The following ZC3H12C variants were observed in gnomAD, a reference collection of about 807,000 sequenced individuals.
ZC3H12C encodes the protein zinc finger CCCH-type containing 12C, also known as probable ribonuclease ZC3H12C.
In ZC3H12C, 20 loss-of-function variants were observed where a neutral mutation model predicts 76.3. The ratio of observed to expected loss-of-function variants is 0.26; its 90% CI spans 0.18 to 0.38. The LOEUF is 0.38. Among genes scored for constraint, ZC3H12C ranks in the 10% least tolerant of loss-of-function variants. The pLI, the probability that ZC3H12C is intolerant of heterozygous loss-of-function variation, is 1.00. For synonymous variants in ZC3H12C, 352 were observed against 399.6 expected, an observed-to-expected ratio of 0.88 and a Z score of 1.42; for missense variants, 874 against 1,086.5, an observed-to-expected ratio of 0.80 and a Z score of 2.75.
intron 1 of ZC3H12C, among the ~76,000 whole-genome samples, chr11:110,133,553 A>G (rs916002787): frequency 6.6e-6 from 1 of 152,200 alleles, no homozygotes; most frequent in Non-Finnish European, 1.5e-5. Context: ...GCTTACATTT[A>G]TCCTTAGCAT....
At chr11:110,137,505 AT>A in intron 2 of ZC3H12C, 91 bp downstream of exon 2, 1 of 1,385,982 alleles carries the variant, frequency 7.2e-7, no homozygotes, top group Non-Finnish European at 9.5e-7. Flanking sequence ...TCTCATGGTC[AT>A]TAAAGTCAAC....
Position 110,164,535 on chromosome 11 carries a change from C to A in ZC3H12C, c.1450C>A (p.Arg484=). ...TKADSTSDVK[R]GAPKRQSDPS... ...GGCTGATAGCACTTCTGATGTCAAA[C>A]GAGGTGCTCCAAAGAGGCAATCAGA... The change falls in exon 6 of 6, where the codon CGA becomes AGA. Residue 484 remains arginine, a synonymous_variant. Transcript: ENST00000278590. This position sits in a 1 kb window ranked among gnomAD's most constrained non-coding sequence, Gnocchi z 5.7. 6.2e-7 allele frequency: 1 copy of A among 1,613,948 alleles called. No individual in the cohort carries two copies. Among genetic ancestry groups the A allele is most frequent in the East Asian group, 2.2e-5 (1 of 44,872 alleles).
At chr11:110,142,359 A>G (rs1862081581) in intron 2 of ZC3H12C, among the ~76,000 whole-genome samples, 1 of 152,176 alleles carries the variant, frequency 6.6e-6, no homozygotes, top group Admixed American at 6.5e-5. Context: ...TTACATAGAA[A>G]TAAAGTTAAT....
At chr11:110,108,569 G>A (rs1012840045) in intron 1 of ZC3H12C, among the ~76,000 whole-genome samples, 2 of 152,180 alleles carry the variant, frequency 1.3e-5, no homozygotes, top group Non-Finnish European at 2.9e-5. Flanking sequence ...TTTAGGTAAT[G>A]TCTTCCTATT....
At chr11:110,153,089 T>C in intron 3 of ZC3H12C, 31 bp downstream of exon 3, 1 of 1,599,144 alleles carries the variant, frequency 6.3e-7, no homozygotes, top group Non-Finnish European at 8.5e-7. Context: ...TGCTTGTACC[T>C]AGCTTTCCTA....
intron 2 of ZC3H12C, among the ~76,000 whole-genome samples, chr11:110,150,832 T>C (rs1002082782): frequency 1.3e-5 from 2 of 152,154 alleles, no homozygotes; most frequent in African/African-American, 4.8e-5. Flanking sequence ...AGAATGACTA[T>C]AGCTTCCTAT....
At chr11:110,114,105 C>T (rs1265757872) in intron 1 of ZC3H12C, among the ~76,000 whole-genome samples, 2 of 152,198 alleles carry the variant, frequency 1.3e-5, no homozygotes, top group Non-Finnish European at 2.9e-5. Context: ...TCCTGACTGA[C>T]TAGCCGCTTC....
intron 3 of ZC3H12C, 41 bp downstream of exon 3, chr11:110,153,099 A>G (rs757390665): frequency 1.3e-6 from 2 of 1,593,814 alleles, no homozygotes; most frequent in South Asian, 1.1e-5. Context: ...TAGCTTTCCT[A>G]TAATAACCAT....
chr11:110,111,917 C>T (rs900886686), intron 1 of ZC3H12C, among the ~76,000 whole-genome samples: 1 of 152,046 alleles, frequency 6.6e-6, no homozygotes, highest in Non-Finnish European at 1.5e-5. Context: ...GTAAGCTGCT[C>T]TTATCCTCCC....
chr11:110,112,580 G>T (rs896389326), intron 1 of ZC3H12C, among the ~76,000 whole-genome samples: 3 of 152,212 alleles, frequency 2.0e-5, no homozygotes, highest in African/African-American at 7.2e-5. Flanking sequence ...AGCACTAAGC[G>T]CTGAGAAGGG....
At chr11:110,146,289 C>G (rs1454305761) in intron 2 of ZC3H12C, among the ~76,000 whole-genome samples, 1 of 152,060 alleles carries the variant, frequency 6.6e-6, no homozygotes, top group Non-Finnish European at 1.5e-5. Flanking sequence ...CGCCCGGCCC[C>G]GTAACTTGTT....
At chr11:110,099,194 G>T (rs1393396889) in intron 1 of ZC3H12C, among the ~76,000 whole-genome samples, 1 of 152,054 alleles carries the variant, frequency 6.6e-6, no homozygotes, top group Admixed American at 6.5e-5. Flanking sequence ...TAGTTGACTA[G>T]CCCAGTGAAA....
intron 3 of ZC3H12C, among the ~76,000 whole-genome samples, chr11:110,154,394 T>C (rs1481268437): frequency 1.3e-5 from 2 of 152,100 alleles, no homozygotes; most frequent in Non-Finnish European, 2.9e-5. Context: ...ACTTAGTTTT[T>C]ATGTATAATT....
intron 4 of ZC3H12C, among the ~76,000 whole-genome samples, chr11:110,161,148 A>G (rs929183387): frequency 6.6e-6 from 1 of 152,038 alleles, no homozygotes; most frequent in African/African-American, 2.4e-5. Flanking sequence ...ACAGCCAGTG[A>G]CATCATGGTT....
intron 1 of ZC3H12C, among the ~76,000 whole-genome samples, chr11:110,119,496 C>T (rs542987928): frequency 6.6e-6 from 1 of 152,282 alleles, no homozygotes; most frequent in African/African-American, 2.4e-5. Context: ...TTCCCTTAAC[C>T]TTGCCTTTCC....
rs568952462 is a variant in ZC3H12C at position 110,159,380 on chromosome 11, G to A, written c.1038G>A (p.Ser346=). Residue 346 remains serine (S), a synonymous_variant, in exon 4 of 6, where the codon TCG becomes TCA. Transcript: ENST00000278590. The part of the protein sequence containing the change: ...DRFIVKLAFE[S]DGIIVSNDNY... Reference sequence around the variant, plus strand: ...TCATCGTGAAGCTGGCTTTTGAGTCGGACGGTATCATTGTGTCCAATGATA... The same window carrying A: ...TCATCGTGAAGCTGGCTTTTGAGTCAGACGGTATCATTGTGTCCAATGATA... 21 of 1,613,958 alleles carry A rather than the reference G, an allele frequency of 1.3e-5. No homozygotes were observed. In the Middle Eastern group the frequency reaches 6.6e-4, roughly 51 times the overall value.
At chr11:110,160,703 G>C (rs1862464101) in intron 4 of ZC3H12C, among the ~76,000 whole-genome samples, 1 of 151,996 alleles carries the variant, frequency 6.6e-6, no homozygotes. Flanking sequence ...AATACTTCCT[G>C]AATGAACTGC....
At chr11:110,110,672 T>G (rs185787862) in intron 1 of ZC3H12C, among the ~76,000 whole-genome samples, 3 of 149,920 alleles carry the variant, frequency 2.0e-5, no homozygotes, top group African/African-American at 7.4e-5. Context: ...CACTGCCCTT[T>G]TATTTCCCAT....
rs1278815550 is a variant in ZC3H12C at position 110,169,022 on chromosome 11, A to G, written c.*3285A>G. The stretch of plus-strand genomic sequence containing the variant: ...TGATGGCTAACTTTTCTCTAATTAA[A>G]CTATGTTTCTTTGAGTTGTGAACGA... On this transcript the variant is annotated 3_prime_UTR_variant, in exon 6 of 6. Transcript: ENST00000278590. 1 of 152,072 alleles carries G rather than the reference A, an allele frequency of 6.6e-6. No homozygotes were observed. The highest frequency in any genetic ancestry group is 2.4e-5 in the African/African-American group (1 of 41,416). The allele number at this position is 152,072 out of a possible 1,614,324, so 9.4% of individuals were successfully genotyped here.
Sources: gnomAD v4.1 joint callset for allele counts (sites outside exome capture counted in the v4.1 genomes callset) on GRCh38, gnomAD v4.1.1 for gene constraint, Gnocchi (gnomAD v3.1) non-coding constraint, MANE v1.5 for transcripts, NCBI Gene and HGNC (gene_info 2026-07-23, HGNC 2026-07-21) for gene names.